The following LOXL2 variants were observed in gnomAD, a reference collection of about 807,000 sequenced individuals.
The protein encoded by LOXL2 is lysyl oxidase homolog 2.
A neutral mutation model predicts 93.0 loss-of-function variants in LOXL2; 70 were observed. The observed-to-expected ratio is 0.75, with a 90% confidence interval of 0.62 to 0.92. The LOEUF is 0.92. Ranked by LOEUF, LOXL2 falls within the 40% of genes least tolerant of loss-of-function variation. The pLI, the probability that LOXL2 is intolerant of heterozygous loss-of-function variation, is 0.00. For synonymous variants in LOXL2, 438 were observed against 413.2 expected, an observed-to-expected ratio of 1.06 and a Z score of -0.73; for missense variants, 973 against 1,054.9, an observed-to-expected ratio of 0.92 and a Z score of 1.08.
chr8:23,377,455 T>C (rs975199064), intron 1 of LOXL2, among the ~76,000 whole-genome samples: 30 of 132,878 alleles, frequency 2.3e-4, no homozygotes, highest in African/African-American at 8.5e-4. Context: ...GTCTATTAGG[T>C]CCGCTTGGTG....
chr8:23,402,174 TGCACACACACGTGCCCGC>T (rs958140638), intron 1 of LOXL2, among the ~76,000 whole-genome samples: 8 of 152,090 alleles, frequency 5.3e-5, no homozygotes, highest in Non-Finnish European at 4.4e-5. Context: ...ACACATTGCG[TGCACACACACGTGCCCGC>T]GCACACACAC....
At chr8:23,342,855 A>G (rs776806715) in intron 3 of LOXL2, among the ~76,000 whole-genome samples, 16 of 151,992 alleles carry the variant, frequency 1.1e-4, no homozygotes, top group Non-Finnish European at 8.8e-5. Context: ...GGCTCAACCG[A>G]TCCTCCTGTT....
chr8:23,352,033 G>A (rs1375812651), intron 3 of LOXL2, among the ~76,000 whole-genome samples: 3 of 146,542 alleles, frequency 2.0e-5, no homozygotes, highest in African/African-American at 8.0e-5. Context: ...GGCTGGTCTC[G>A]AACTCCTGAC....
At position 23,322,113 on chromosome 8, in the gene LOXL2, G is replaced by T. The variant is rs963804189; in HGVS notation, c.1302+17C>A. On this transcript the variant is annotated intron_variant, in intron 7 of 13. Transcript: ENST00000389131. Reference sequence around the variant, plus strand: ...CAGCCTCAGTTACAGTCCCCTCTAGGTGTCCAGTCCCATCACCTTCTTCTG... The same window carrying T: ...CAGCCTCAGTTACAGTCCCCTCTAGTTGTCCAGTCCCATCACCTTCTTCTG... 3.7e-6 allele frequency: 6 copies of T among 1,613,174 alleles called. No homozygotes were observed. Among genetic ancestry groups the T allele is most frequent in the Non-Finnish European group, 5.1e-6 (6 of 1,179,520 alleles).
intron 12 of LOXL2, among the ~76,000 whole-genome samples, chr8:23,299,416 G>A (rs968663038): frequency 6.6e-6 from 1 of 152,186 alleles, no homozygotes; most frequent in Middle Eastern, 3.2e-3. Context: ...TCCTCTCTCT[G>A]TAAAGTGACA....
At position 23,391,397 on chromosome 8, in the gene LOXL2, A is replaced by G. The variant is rs149977107; in HGVS notation, c.-84+12557T>C. On this transcript the variant is annotated intron_variant, in intron 1 of 13. Transcript: ENST00000389131. ...TTCTTCACGGGCTACATCAGAAGTT[A>G]AAGTGCCCAGTATAGTGACTGGCTC... Among the ~76,000 whole-genome samples the G allele has an allele frequency of 3.1e-3, 468 of 152,274 alleles. 2 individuals are homozygous for G. The highest frequency in any genetic ancestry group is 9.5e-3 in the African/African-American group (394 of 41,548).
At chr8:23,381,595 C>A (rs773740998) in intron 1 of LOXL2, among the ~76,000 whole-genome samples, 3 of 152,202 alleles carry the variant, frequency 2.0e-5, no homozygotes, top group Admixed American at 6.5e-5. Flanking sequence ...TTGCCCCGTG[C>A]TTACTGGCCA....
intron 3 of LOXL2, among the ~76,000 whole-genome samples, chr8:23,356,270 T>C (rs1384284633): frequency 1.3e-5 from 2 of 152,212 alleles, no homozygotes; most frequent in African/African-American, 2.4e-5. Flanking sequence ...CATTAGTCAG[T>C]ATGTTCATGA....
At chr8:23,360,718 G>A (rs1276923291) in intron 2 of LOXL2, among the ~76,000 whole-genome samples, 2 of 152,068 alleles carry the variant, frequency 1.3e-5, no homozygotes, top group Non-Finnish European at 2.9e-5. Flanking sequence ...GTTCATTGCT[G>A]GTCACAGTTA....
chr8:23,397,755 G>A (rs1344633712), intron 1 of LOXL2, among the ~76,000 whole-genome samples: 1 of 149,914 alleles, frequency 6.7e-6, no homozygotes, highest in Non-Finnish European at 1.5e-5. Context: ...TCCCAGCCTG[G>A]GCAACAGAGC....
At chr8:23,367,933 C>G in intron 2 of LOXL2, 64 bp downstream of exon 2, 1 of 1,397,976 alleles carries the variant, frequency 7.2e-7, no homozygotes, top group East Asian at 2.3e-5. Context: ...AGGCTGACCT[C>G]AGGGAAGGCC....
chr8:23,325,571 C>T lies in LOXL2; in HGVS notation c.1150+2811G>A, dbSNP rs540252644. Among the ~76,000 whole-genome samples, 9 of 152,318 alleles carry T rather than the reference C, an allele frequency of 5.9e-5. No homozygotes were observed. In the South Asian group the frequency reaches 1.9e-3, roughly 32 times the overall value. On this transcript the variant is annotated intron_variant, in intron 6 of 13. Transcript: ENST00000389131. ...CTTCCCAAAGTCCTGGGATTACAGG[C>T]GTGAGTCCTGTTCTGTTTCTATCAG...
chr8:23,312,221 T>A (rs915609490), intron 9 of LOXL2, among the ~76,000 whole-genome samples: 1 of 151,022 alleles, frequency 6.6e-6, no homozygotes, highest in Non-Finnish European at 1.5e-5. Context: ...ACCAGAGGTA[T>A]AAGGAGGAAC....
chr8:23,320,954 TATC>T (rs557645188), intron 7 of LOXL2, among the ~76,000 whole-genome samples: 29 of 152,272 alleles, frequency 1.9e-4, no homozygotes, highest in African/African-American at 6.3e-4. Context: ...CTTGGCCACA[TATC>T]ATAGTTTCTT....
At position 23,302,120 on chromosome 8, in the gene LOXL2, G is replaced by A. The variant is rs1285616879; in HGVS notation, c.2040C>T (p.Gly680=). 4 of 1,614,030 alleles carry A rather than the reference G, an allele frequency of 2.5e-6. No individual in the cohort carries two copies. The African/African-American group carries it at 4.0e-5, about 16-fold the overall frequency. Reference sequence around the variant, plus strand: ...ACATGTCCCAGCAGCCCATGGTGATGCCCTGATCGCCGAAGTTGGCACACT... The same window carrying A: ...ACATGTCCCAGCAGCCCATGGTGATACCCTGATCGCCGAAGTTGGCACACT... ...NYECANFGDQ[G]ITMGCWDMYR... Residue 680 remains glycine (G), a synonymous_variant, in exon 12 of 14, where the codon GGC becomes GGT. Coordinates refer to ENST00000389131, the MANE Select transcript of LOXL2 (RefSeq NM_002318.3).
chr8:23,321,075 TCG>T (rs1491354270), intron 7 of LOXL2, among the ~76,000 whole-genome samples: 3 of 74,984 alleles, frequency 4.0e-5, no homozygotes, highest in Non-Finnish European at 1.0e-4. Flanking sequence ...GTTTTATCTC[TCG>T]TCTCTCTCCA....
chr8:23,328,746 T>TGC, intron 5 of LOXL2, 181 bp from the exon 6 acceptor site: 1 of 600,690 alleles, frequency 1.7e-6, no homozygotes, highest in African/African-American at 2.0e-5. Flanking sequence ...TGTGTGTGTG[T>TGC]CGTGGGTGTG....
rs1016475342 is a variant in LOXL2, at chr8:23,371,636, C to T, written c.-83-3202G>A. On this transcript the variant is annotated intron_variant, in intron 1 of 13. Coordinates refer to ENST00000389131, the MANE Select transcript of LOXL2 (RefSeq NM_002318.3). ...GCATGGTGGCGGGCACCTGTAGTCCCAGCTACTCGGGAGGCTGAGGCAGGA... is the reference window on the plus strand; with the variant it reads ...GCATGGTGGCGGGCACCTGTAGTCCTAGCTACTCGGGAGGCTGAGGCAGGA... Among the ~76,000 whole-genome samples, 4 of 151,408 alleles carry T rather than the reference C, an allele frequency of 2.6e-5. No homozygotes were observed. The East Asian group carries it at 7.8e-4, about 30-fold the overall frequency.
At chr8:23,378,506 G>A (rs1014439686) in intron 1 of LOXL2, among the ~76,000 whole-genome samples, 1 of 152,196 alleles carries the variant, frequency 6.6e-6, no homozygotes, top group Non-Finnish European at 1.5e-5. Context: ...GGTTGGGGAA[G>A]TTCTCCTGGA....
Sources: gnomAD v4.1 joint callset for allele counts (sites outside exome capture counted in the v4.1 genomes callset) on GRCh38, gnomAD v4.1.1 for gene constraint, MANE v1.5 for transcripts, NCBI Gene and HGNC (gene_info 2026-07-23, HGNC 2026-07-21) for gene names.